Variants in ENTPD5 observed in about 807,000 individuals in gnomAD.
ENTPD5 encodes the protein nucleoside diphosphate phosphatase ENTPD5.
Under a neutral mutation model 60.2 loss-of-function variants are expected in ENTPD5, and 49 were observed. That is an observed-to-expected ratio of 0.81 (90% CI 0.65 to 1.03). The LOEUF is 1.03. Ranked by LOEUF, ENTPD5 falls within the 50% of genes least tolerant of loss-of-function variation. ENTPD5 has a pLI of 0.00. For missense variants in ENTPD5, 480 were observed against 507.6 expected (o/e 0.95, Z 0.52); for synonymous variants, 187 against 185.4 (o/e 1.01, Z -0.07).
intron 3 of ENTPD5, among the ~76,000 whole-genome samples, chr14:73,992,952 G>A (rs938052135): frequency 1.3e-5 from 2 of 152,176 alleles, no homozygotes; most frequent in African/African-American, 4.8e-5. Context: ...GCAGTGAGCT[G>A]AGACTGTGTC....
At chr14:73,962,883 AGAATACCTACGT>A (rs1458898657), downstream of ENTPD5, 5 of 1,124,820 alleles carry the variant, frequency 4.4e-6, no homozygotes, top group Non-Finnish European at 6.7e-6. Flanking sequence ...ACACTTGGGA[AGAATACCTACGT>A]GATTATTATC....
chr14:73,998,896 A>G (rs1566755895), intron 3 of ENTPD5, among the ~76,000 whole-genome samples: 1 of 152,146 alleles, frequency 6.6e-6, no homozygotes, highest in Non-Finnish European at 1.5e-5. Flanking sequence ...AGTAGAGGAC[A>G]CCAAATACTC....
chr14:73,982,232 G>A (rs1429181996), intron 6 of ENTPD5, among the ~76,000 whole-genome samples: 1 of 151,936 alleles, frequency 6.6e-6, no homozygotes. Context: ...GCGCCACAAT[G>A]CCCAGCTAAT....
At chr14:73,959,369 G>A (rs187654834), downstream of ENTPD5, 22 of 1,614,176 alleles carry the variant, frequency 1.4e-5, no homozygotes, top group Admixed American at 8.3e-5. Flanking sequence ...GAGTTTCCAA[G>A]TGCAGCAGAG....
At position 73,963,480 on chromosome 14, in the gene ENTPD5, G is replaced by GAAAGTCCAGT; in HGVS notation, c.*3447_*3448insACTGGACTTT. 1 of 181,912 alleles carries GAAAGTCCAGT rather than the reference G, an allele frequency of 5.5e-6. No individual in the cohort carries two copies. Among genetic ancestry groups the GAAAGTCCAGT allele is most frequent in the Non-Finnish European group, 1.1e-5 (1 of 87,514 alleles). 11.3% of individuals were successfully genotyped at this position (181,912 alleles called of 1,614,324 possible). A position where few individuals can be genotyped will look rare whatever the true frequency, so the allele number is the denominator to read the frequency against. ...CTTTAACCTTTGTTACAGGTATACT[G>GAAAGTCCAGT]GACTTTCTGAAAGGAAAACCAGGTC... On this transcript the variant is annotated 3_prime_UTR_variant, in exon 16 of 16. Coordinates refer to ENST00000334696, the MANE Select transcript of ENTPD5 (RefSeq NM_001249.5).
At chr14:73,958,589 C>G, downstream of ENTPD5, 1 of 1,288,984 alleles carries the variant, frequency 7.8e-7, no homozygotes, top group Non-Finnish European at 9.9e-7. Flanking sequence ...TCTCTTGCCT[C>G]TCATTTTTCT....
At chr14:73,963,095 A>G, downstream of ENTPD5, 1 of 1,027,520 alleles carries the variant, frequency 9.7e-7, no homozygotes, top group Non-Finnish European at 1.5e-6. Flanking sequence ...AATTTAATAA[A>G]CTTACTTTAC....
chr14:73,959,870 A>G, downstream of ENTPD5: 3 of 1,254,500 alleles, frequency 2.4e-6, no homozygotes, highest in South Asian at 1.7e-5. Context: ...GCACCCAGCC[A>G]GAAAGGTGGT....
intron 3 of ENTPD5, chr14:74,007,829 A>C (rs1440693408): frequency 6.8e-6 from 1 of 146,858 alleles, no homozygotes; most frequent in Non-Finnish European, 1.5e-5. Flanking sequence ...TTGAAAAAAA[A>C]AAATTTTTTT....
At position 73,988,121 on chromosome 14, in the gene ENTPD5, C is replaced by G. The variant is rs773846039; in HGVS notation, c.-19G>C. The G allele has an allele frequency of 6.3e-7, 1 of 1,595,560 alleles. No homozygotes were observed. Among genetic ancestry groups the G allele is most frequent in the Non-Finnish European group, 8.5e-7 (1 of 1,171,018 alleles). On this transcript the variant is annotated 5_prime_UTR_variant, in exon 4 of 16. Coordinates refer to ENST00000334696, the MANE Select transcript of ENTPD5 (RefSeq NM_001249.5). ...TGGCCATTCTTTTCCCAAGATGTGG[C>G]TGGGTGGAGGCTTTTGTTGCAGAAG...
intron 3 of ENTPD5, among the ~76,000 whole-genome samples, chr14:73,992,198 T>C (rs2140690515): frequency 6.6e-6 from 1 of 152,270 alleles, no homozygotes; most frequent in East Asian, 1.9e-4. Context: ...CTGGATCTCT[T>C]ATGTAAGTCA....
Position 73,987,890 on chromosome 14 carries a change from C to G in ENTPD5, c.213G>C (p.Met71Ile), listed in dbSNP as rs772391611. The G allele has an allele frequency of 1.2e-6, 2 of 1,613,946 alleles. No individual in the cohort carries two copies. Among genetic ancestry groups the G allele is most frequent in the Non-Finnish European group, 1.7e-6 (2 of 1,179,986 alleles). Residue 71 changes from methionine (M) to isoleucine (I), a missense_variant, in exon 4 of 16, where the codon ATG becomes ATC. Coordinates refer to ENST00000334696, the MANE Select transcript of ENTPD5 (RefSeq NM_001249.5). ...RIHVYTFVQK[M>I]PGQLPILEGE... ...AAGGGTCCCAGTTGCACTTACCTGG[C>G]ATTTTCTGCACAAAGGTGTAAACAT... is the stretch of plus-strand genomic sequence containing the variant.
At chr14:73,958,972 T>C (rs1294917437), downstream of ENTPD5, 1 of 1,613,770 alleles carries the variant, frequency 6.2e-7, no homozygotes, top group Admixed American at 1.7e-5. Context: ...TCCATGCAGA[T>C]AGGTGCAGAT....
At chr14:73,985,767 G>A (rs1001786407) in intron 5 of ENTPD5, among the ~76,000 whole-genome samples, 1 of 151,882 alleles carries the variant, frequency 6.6e-6, no homozygotes, top group African/African-American at 2.4e-5. Flanking sequence ...ATGTGCTACT[G>A]AACTAAGAAA....
intron 3 of ENTPD5, among the ~76,000 whole-genome samples, chr14:73,991,068 A>C (rs1410016732): frequency 6.6e-6 from 1 of 152,154 alleles, no homozygotes; most frequent in Non-Finnish European, 1.5e-5. Context: ...GGTAGTGTTG[A>C]ATGGAATAAT....
In ENTPD5 at chr14:74,013,329, C is replaced by T. The variant is rs147106380; in HGVS notation, c.-130-2179G>A. Among the ~76,000 whole-genome samples the T allele has an allele frequency of 1.7e-4, 26 of 152,314 alleles. 1 individual carries two copies. In the East Asian group the frequency reaches 4.6e-3, roughly 27 times the overall value. ...GTCCATCTCCTTCTATAAACTTTCC[C>T]TGACTACGACAGTCTTAAATGCCTC... On this transcript the variant is annotated intron_variant, in intron 2 of 15. Transcript: ENST00000334696.
chr14:73,986,521 A>T, intron 5 of ENTPD5: 1 of 327,532 alleles, frequency 3.1e-6, no homozygotes, highest in South Asian at 4.6e-5. Context: ...ATGAACAAAT[A>T]CAACTGATGG....
intron 3 of ENTPD5, among the ~76,000 whole-genome samples, chr14:74,004,343 T>C (rs1349987996): frequency 6.6e-6 from 1 of 152,046 alleles, no homozygotes; most frequent in East Asian, 1.9e-4. Context: ...AATTTTTGTA[T>C]TTCTAGTAGA....
In ENTPD5 at chr14:73,963,279, T is replaced by C; in HGVS notation, c.*3649A>G. Reference sequence around the variant, plus strand: ...ACTAAAAAACCCACAAGGTGCTGTCTCACTCATTTCCAGTTAATCATTTCT... The same window carrying C: ...ACTAAAAAACCCACAAGGTGCTGTCCCACTCATTTCCAGTTAATCATTTCT... On this transcript the variant is annotated 3_prime_UTR_variant, in exon 16 of 16. Coordinates refer to ENST00000334696, the MANE Select transcript of ENTPD5 (RefSeq NM_001249.5). The C allele has an allele frequency of 3.8e-6, 2 of 519,784 alleles. No individual in the cohort carries two copies. Among genetic ancestry groups the C allele is most frequent in the South Asian group, 6.5e-5 (2 of 30,892 alleles). 32.2% of individuals were successfully genotyped at this position (519,784 alleles called of 1,614,324 possible). A position where few individuals can be genotyped will look rare whatever the true frequency, so the allele number is the denominator to read the frequency against.
Sources: allele counts gnomAD v4.1 joint callset (sites outside exome capture counted in the v4.1 genomes callset), GRCh38; gene constraint gnomAD v4.1.1; transcripts MANE v1.5; gene names NCBI Gene and HGNC (gene_info 2026-07-23, HGNC 2026-07-21).